Variants in FNDC1 observed in about 807,000 individuals in gnomAD.
FNDC1 encodes fibronectin type III domain-containing protein 1.
FNDC1 carries 96 observed loss-of-function variants against 168.0 expected under a neutral mutation model. The observed-to-expected ratio is 0.57, with a 90% CI of 0.48 to 0.68. The LOEUF (loss-of-function observed/expected upper bound fraction) is 0.68, where lower values mean the gene tolerates loss of function less well. FNDC1 is among the 30% of genes least tolerant of loss of function. The pLI is 0.00. For missense variants in FNDC1, 2,587 were observed against 2,482.1 expected (o/e 1.04, Z -0.90); for synonymous variants, 1,099 against 1,025.9 (o/e 1.07, Z -1.36).
chr6:159,182,149 A>T (rs772117950), intron 1 of FNDC1, among the ~76,000 whole-genome samples: 2 of 152,262 alleles, frequency 1.3e-5, no homozygotes, highest in Non-Finnish European at 2.9e-5. Flanking sequence ...CTGCACTTTC[A>T]ATGCTAGCAC....
intron 7 of FNDC1, among the ~76,000 whole-genome samples, chr6:159,225,222 T>C (rs1029692613): frequency 6.6e-6 from 1 of 151,766 alleles, no homozygotes; most frequent in Admixed American, 6.6e-5. Context: ...CAAACACATA[T>C]CCCTGATAAA....
At chr6:159,192,909 C>G (rs184469834) in intron 1 of FNDC1, among the ~76,000 whole-genome samples, 3 of 152,142 alleles carry the variant, frequency 2.0e-5, no homozygotes, top group Non-Finnish European at 4.4e-5. Flanking sequence ...GTACCTGATG[C>G]CTTCAGGGGC....
chr6:159,245,660 C>G (rs180845409), intron 14 of FNDC1, among the ~76,000 whole-genome samples: 2 of 152,266 alleles, frequency 1.3e-5, no homozygotes, highest in African/African-American at 2.4e-5. Context: ...GGTGAAGATG[C>G]CTTTTATGCT....
intron 22 of FNDC1, among the ~76,000 whole-genome samples, chr6:159,271,011 T>C (rs758476126): frequency 1.2e-4 from 18 of 152,162 alleles, no homozygotes; most frequent in Non-Finnish European, 4.4e-5. Context: ...AGTCACTGGG[T>C]TCCTATGGAG....
chr6:159,209,332 G>A (rs906459044), intron 4 of FNDC1, among the ~76,000 whole-genome samples: 1 of 152,210 alleles, frequency 6.6e-6, no homozygotes, highest in African/African-American at 2.4e-5. Flanking sequence ...TTAGTTAAGT[G>A]ACAGAGTGAT....
chr6:159,263,616 G>A (rs1777534734), intron 19 of FNDC1, among the ~76,000 whole-genome samples: 1 of 152,040 alleles, frequency 6.6e-6, no homozygotes, highest in African/African-American at 2.4e-5. Flanking sequence ...CAAAAAATTA[G>A]CCAGGTGTGG....
intron 8 of FNDC1, 111 bp downstream of exon 8, chr6:159,225,833 G>A: frequency 2.1e-6 from 2 of 939,870 alleles, no homozygotes; most frequent in Non-Finnish European, 3.1e-6. Context: ...GGGCATTTTT[G>A]AAAGTCATGT....
At chr6:159,237,127 A>G (rs796681773) in intron 12 of FNDC1, among the ~76,000 whole-genome samples, 19 of 152,360 alleles carry the variant, frequency 1.2e-4, no homozygotes, top group African/African-American at 3.6e-4. Context: ...AGAGAAATTT[A>G]TAGTAGGAAG....
Position 159,233,458 on chromosome 6 carries a change from C to T in FNDC1, c.2946C>T (p.Pro982=), listed in dbSNP as rs775046264. The T allele has an allele frequency of 1.9e-6, 3 of 1,606,750 alleles. No homozygotes were observed. Among genetic ancestry groups the T allele is most frequent in the East Asian group, 2.2e-5 (1 of 44,740 alleles). ...GCCACGCGTCCCCTGCTCGTCCGCC[C>T]GCAGCACGGTCACAGCAGCATCCCA... ...TDRHASPARP[P]AARSQQHPSV... The change falls in exon 11 of 23, where the codon CCC becomes CCT. Residue 982 remains proline, a synonymous_variant. Transcript: ENST00000297267. The surrounding 1 kb of genome is among the most constrained non-coding windows in gnomAD (Gnocchi z 4.6).
chr6:159,186,729 C>T (rs1041492994), intron 1 of FNDC1, among the ~76,000 whole-genome samples: 12 of 152,146 alleles, frequency 7.9e-5, no homozygotes, highest in African/African-American at 2.4e-4. Context: ...CACAGAAACG[C>T]GTGGAGGTGG....
At chr6:159,170,203 C>T (rs1353048867) in intron 1 of FNDC1, among the ~76,000 whole-genome samples, 2 of 152,064 alleles carry the variant, frequency 1.3e-5, no homozygotes, top group African/African-American at 2.4e-5. Flanking sequence ...CGCAGGGCGT[C>T]GGGTGCCTCT....
chr6:159,226,342 G>T, intron 8 of FNDC1, 131 bp from the exon 9 acceptor site: 3 of 651,022 alleles, frequency 4.6e-6, no homozygotes, highest in East Asian at 2.8e-5. Context: ...GGAATTTTCT[G>T]TCAGGTATAA....
intron 14 of FNDC1, chr6:159,243,381 G>C (rs1290542882): frequency 6.6e-6 from 1 of 152,202 alleles, no homozygotes; most frequent in Non-Finnish European, 1.5e-5. Context: ...ATTCATTTGA[G>C]CTGGACCAAC....
intron 22 of FNDC1, among the ~76,000 whole-genome samples, chr6:159,269,572 A>G (rs56700626): frequency 7.3e-6 from 1 of 136,740 alleles, no homozygotes; most frequent in African/African-American, 2.6e-5. Flanking sequence ...CCATCCATCT[A>G]TCCTATCTGT....
At chr6:159,185,758 T>G (rs1331660649) in intron 1 of FNDC1, among the ~76,000 whole-genome samples, 1 of 152,222 alleles carries the variant, frequency 6.6e-6, no homozygotes, top group African/African-American at 2.4e-5. Context: ...AACCTCCCTA[T>G]GTCTGTCATT....
intron 1 of FNDC1, among the ~76,000 whole-genome samples, chr6:159,179,047 T>C (rs1315140955): frequency 6.6e-6 from 1 of 152,224 alleles, no homozygotes; most frequent in East Asian, 1.9e-4. Context: ...TCCCTCACCG[T>C]CTGCCATCTG....
At chr6:159,223,689 T>C (rs758294095) in intron 7 of FNDC1, 44 bp downstream of exon 7, 1 of 1,143,016 alleles carries the variant, frequency 8.7e-7, no homozygotes, top group Non-Finnish European at 1.3e-6. Flanking sequence ...AGAGATGGGG[T>C]TTTTCTGGCC....
chr6:159,200,414 G>A, intron 3 of FNDC1, 99 bp from the exon 4 acceptor site: 2 of 943,862 alleles, frequency 2.1e-6, no homozygotes, highest in South Asian at 1.6e-5. Context: ...TTTGAAGATG[G>A]TTGAAAAGAT....
intron 18 of FNDC1, among the ~76,000 whole-genome samples, chr6:159,256,834 G>A (rs1777385028): frequency 1.3e-5 from 2 of 152,184 alleles, no homozygotes; most frequent in African/African-American, 4.8e-5. Context: ...GTCATTGTTA[G>A]GCTACTGTGC....
Sources: allele counts gnomAD v4.1 joint callset (sites outside exome capture counted in the v4.1 genomes callset), GRCh38; gene constraint gnomAD v4.1.1; non-coding constraint Gnocchi (gnomAD v3.1); transcripts MANE v1.5; gene names NCBI Gene and HGNC (gene_info 2026-07-23, HGNC 2026-07-21).